Variants in PLOD2 observed in about 807,000 individuals in gnomAD.
PLOD2 encodes lysine hydroxylase 2.
PLOD2 carries 65 observed loss-of-function variants against 101.0 expected under a neutral mutation model. The observed-to-expected ratio is 0.64, with a 90% CI of 0.53 to 0.79. PLOD2 has a LOEUF of 0.79. Ranked by LOEUF, PLOD2 falls within the 30% of genes least tolerant of loss-of-function variation. The pLI is 0.00. For synonymous variants in PLOD2, 314 were observed against 302.9 expected, an observed-to-expected ratio of 1.04 and a Z score of -0.38; for missense variants, 909 against 914.6, an observed-to-expected ratio of 0.99 and a Z score of 0.08.
chr3:146,149,132 A>G (rs1361965127), intron 1 of PLOD2, among the ~76,000 whole-genome samples: 3 of 152,236 alleles, frequency 2.0e-5, no homozygotes, highest in African/African-American at 7.2e-5. Flanking sequence ...CATTCAAGTC[A>G]CATATTTTGT....
intron 14 of PLOD2, chr3:146,077,277 C>T (rs927241921): frequency 4.1e-6 from 2 of 482,660 alleles, no homozygotes; most frequent in Non-Finnish European, 5.4e-6. Context: ...GAAAGCATCA[C>T]ATTTTTAATC....
intron 3 of PLOD2, among the ~76,000 whole-genome samples, chr3:146,114,581 T>C (rs1937810676): frequency 6.6e-6 from 1 of 152,078 alleles, no homozygotes; most frequent in African/African-American, 2.4e-5. Flanking sequence ...AACTGCATAA[T>C]CATAAGCATT....
At position 146,076,765 on chromosome 3, in the gene PLOD2, G is replaced by A. The variant is rs1051872709; in HGVS notation, c.1677+17C>T. 9.1e-7 allele frequency: 1 copy of A among 1,103,176 alleles called. No individual in the cohort carries two copies. The highest frequency in any genetic ancestry group is 1.4e-6 in the Non-Finnish European group (1 of 719,436). The allele number at this position is 1,103,176 out of a possible 1,614,324, so 68.3% of individuals were successfully genotyped here. The stretch of plus-strand genomic sequence containing the variant: ...ACAGTTATAGAAAAATAATAAAGTT[G>A]AGTATGAAATACATACCACAGGATT... On this transcript the variant is annotated intron_variant, in intron 15 of 19. Transcript: ENST00000282903.
intron 1 of PLOD2, among the ~76,000 whole-genome samples, chr3:146,137,149 G>T (rs780212399): frequency 6.6e-6 from 1 of 152,090 alleles, no homozygotes; most frequent in African/African-American, 2.4e-5. Context: ...AAAAAAGATG[G>T]AATTGACTAA....
chr3:146,103,425 T>C (rs1245522002), intron 6 of PLOD2, among the ~76,000 whole-genome samples: 1 of 151,580 alleles, frequency 6.6e-6, no homozygotes, highest in Non-Finnish European at 1.5e-5. Flanking sequence ...TAAAATTTCC[T>C]GAGCACTCCA....
chr3:146,075,901 A>C (rs1936315763), intron 15 of PLOD2: 1 of 151,754 alleles, frequency 6.6e-6, no homozygotes, highest in Non-Finnish European at 1.5e-5. Context: ...AAATACAATT[A>C]ATTATGTCGT....
chr3:146,113,927 A>G (rs1937766152), intron 3 of PLOD2, among the ~76,000 whole-genome samples: 1 of 152,162 alleles, frequency 6.6e-6, no homozygotes, highest in Admixed American at 6.5e-5. Context: ...TCTTTTTCTC[A>G]GTAAGGAACA....
chr3:146,109,945 A>G (rs1208998982), intron 4 of PLOD2, among the ~76,000 whole-genome samples: 4 of 152,258 alleles, frequency 2.6e-5, no homozygotes, highest in African/African-American at 9.6e-5. Context: ...GAAGCTTACT[A>G]AACTTATTAT....
chr3:146,079,581 T>C (rs1936461122), intron 12 of PLOD2, among the ~76,000 whole-genome samples: 1 of 151,982 alleles, frequency 6.6e-6, no homozygotes, highest in Admixed American at 6.6e-5. Flanking sequence ...GGTGTTTCTA[T>C]TTAAAATTAA....
At chr3:146,159,199 G>A (rs1275034419) in intron 1 of PLOD2, among the ~76,000 whole-genome samples, 3 of 152,204 alleles carry the variant, frequency 2.0e-5, no homozygotes, top group Non-Finnish European at 4.4e-5. Context: ...TGCTTACCAA[G>A]TGACCAGTCC....
chr3:146,108,265 C>T (rs1937570634), intron 4 of PLOD2, among the ~76,000 whole-genome samples: 3 of 152,090 alleles, frequency 2.0e-5, no homozygotes, highest in Admixed American at 6.6e-5. Flanking sequence ...ACTGCAGCCT[C>T]GACCTCCTGG....
intron 11 of PLOD2, among the ~76,000 whole-genome samples, chr3:146,083,361 ATC>A (rs1385314862): frequency 6.6e-6 from 1 of 152,160 alleles, no homozygotes; most frequent in Admixed American, 6.5e-5. Flanking sequence ...GATGTGTCAA[ATC>A]TCTTTCTCTA....
chr3:146,143,624 C>T (rs965553043), intron 1 of PLOD2, among the ~76,000 whole-genome samples: 5 of 152,012 alleles, frequency 3.3e-5, no homozygotes, highest in African/African-American at 1.2e-4. Context: ...AATGATATAG[C>T]TGTAACTCTA....
At chr3:146,120,211 T>A (rs893348683) in intron 3 of PLOD2, among the ~76,000 whole-genome samples, 6 of 152,230 alleles carry the variant, frequency 3.9e-5, no homozygotes, top group Non-Finnish European at 8.8e-5. Context: ...GAGCATTTTT[T>A]CATGTGTATT....
chr3:146,072,061 T>A (rs1281147699), intron 17 of PLOD2, among the ~76,000 whole-genome samples: 1 of 151,880 alleles, frequency 6.6e-6, no homozygotes, highest in African/African-American at 2.4e-5. Context: ...ATCTAACCAC[T>A]GGCAGTAGTA....
Position 146,119,444 on chromosome 3 carries a change from T to C in PLOD2, c.338+1668A>G, listed in dbSNP as rs958633185. Among the ~76,000 whole-genome samples, 8 of 109,590 alleles carry C rather than the reference T, an allele frequency of 7.3e-5. No homozygotes were observed. In the South Asian group the frequency reaches 2.2e-3, roughly 31 times the overall value. The allele number at this position is 109,590 out of a possible 152,430, so 71.9% of individuals were successfully genotyped here. ...ATAACTAGTAATATCTACTTTTGCC[T>C]CTTTTTTTTTATTATACTTTAAGTT... is the stretch of plus-strand genomic sequence containing the variant. On this transcript the variant is annotated intron_variant, in intron 3 of 19. Coordinates refer to ENST00000282903, the MANE Select transcript of PLOD2 (RefSeq NM_182943.3).
At chr3:146,091,128 T>A (rs1261222431) in intron 8 of PLOD2, among the ~76,000 whole-genome samples, 1 of 151,864 alleles carries the variant, frequency 6.6e-6, no homozygotes, top group African/African-American at 2.4e-5. Flanking sequence ...TAACTATCTA[T>A]GAAATACATA....
intron 1 of PLOD2, among the ~76,000 whole-genome samples, chr3:146,149,705 C>A (rs964180739): frequency 1.3e-5 from 2 of 152,132 alleles, no homozygotes; most frequent in Non-Finnish European, 2.9e-5. Flanking sequence ...GACTCAGCTA[C>A]TGGTATTTAT....
chr3:146,129,729 G>A (rs903877559), intron 1 of PLOD2, among the ~76,000 whole-genome samples: 10 of 152,164 alleles, frequency 6.6e-5, no homozygotes, highest in African/African-American at 2.2e-4. Flanking sequence ...TACCAGAGAT[G>A]CTATCCAGAT....
Sources: allele counts gnomAD v4.1 joint callset (sites outside exome capture counted in the v4.1 genomes callset), GRCh38; gene constraint gnomAD v4.1.1; transcripts MANE v1.5; gene names NCBI Gene and HGNC (gene_info 2026-07-23, HGNC 2026-07-21).